The following KIAA1671 variants were observed in gnomAD, a reference collection of about 807,000 sequenced individuals.
KIAA1671 encodes the protein KIAA1671.
KIAA1671 carries 52 observed loss-of-function variants against 131.2 expected under a neutral mutation model. The observed-to-expected ratio is 0.40, with a 90% CI of 0.32 to 0.50. KIAA1671 has a LOEUF of 0.50. Ranked by LOEUF, KIAA1671 falls within the 20% of genes least tolerant of loss-of-function variation. KIAA1671 has a pLI of 0.73. For missense variants in KIAA1671, 2,360 were observed against 2,364.2 expected (o/e 1.00, Z 0.04); for synonymous variants, 1,003 against 961.6 (o/e 1.04, Z -0.80).
At chr22:25,128,495 A>G (rs993028507) in intron 6 of KIAA1671, among the ~76,000 whole-genome samples, 1 of 152,166 alleles carries the variant, frequency 6.6e-6, no homozygotes, top group Non-Finnish European at 1.5e-5. Context: ...TTCAACAGCA[A>G]CTTGTGTCCA....
rs56096749 is a variant in KIAA1671 at position 25,093,805 on chromosome 22, TC to T, written c.4530+44442del. On this transcript the variant is annotated intron_variant, in intron 6 of 12. Coordinates refer to ENST00000358431, the MANE Select transcript of KIAA1671 (RefSeq NM_001145206.2). ...CTCTCTCTCTCTCTCTCTCTCTCTCTCTCTCTGTCTCTCTCTCTTTCTCTCT... is the reference window on the plus strand; with the variant it reads ...CTCTCTCTCTCTCTCTCTCTCTCTCTTCTCTGTCTCTCTCTCTTTCTCTCT... 7.2e-5 allele frequency among the ~76,000 whole-genome samples: 10 copies of T among 139,430 alleles called. 1 individual carries two copies. Among genetic ancestry groups the T allele is most frequent in the African/African-American group, 2.4e-4 (9 of 37,548 alleles). 91.5% of individuals were successfully genotyped at this position (139,430 alleles called of 152,430 possible).
In KIAA1671 at chr22:24,987,315, C is replaced by T. The variant is rs184210709; in HGVS notation, c.-208+34543C>T. 3.5e-4 allele frequency among the ~76,000 whole-genome samples: 53 copies of T among 151,950 alleles called. 2 individuals carry two copies. Among genetic ancestry groups the T allele is most frequent in the Admixed American group, 2.9e-3 (44 of 15,250 alleles). ...CCTCTGGAGTAGCTGGGACTACAGG[C>T]GCCTGCCACCATGCCCGGCTAATTT... On this transcript the variant is annotated intron_variant, in intron 1 of 12. Coordinates refer to ENST00000358431, the MANE Select transcript of KIAA1671 (RefSeq NM_001145206.2).
intron 1 of KIAA1671, among the ~76,000 whole-genome samples, chr22:24,953,995 G>A (rs1921558523): frequency 6.6e-6 from 1 of 152,080 alleles, no homozygotes; most frequent in Admixed American, 6.5e-5. Flanking sequence ...CGGAATGAAG[G>A]GTATGAAACA....
At chr22:25,058,687 C>T (rs1257478302) in intron 6 of KIAA1671, 1 of 152,126 alleles carries the variant, frequency 6.6e-6, no homozygotes. Context: ...TATAATGAAC[C>T]ATCACAGAAC....
At chr22:25,104,340 T>C (rs550044519) in intron 6 of KIAA1671, among the ~76,000 whole-genome samples, 3 of 152,286 alleles carry the variant, frequency 2.0e-5, no homozygotes, top group Non-Finnish European at 4.4e-5. Context: ...AGTCCTGGAA[T>C]GTCCAATCTT....
At chr22:25,072,191 C>A (rs1928867997) in intron 6 of KIAA1671, among the ~76,000 whole-genome samples, 2 of 152,168 alleles carry the variant, frequency 1.3e-5, no homozygotes, top group African/African-American at 4.8e-5. Context: ...CTAAGCTCAT[C>A]CTGGCCAGTA....
At chr22:25,051,603 C>T (rs1927538287) in intron 6 of KIAA1671, 1 of 152,264 alleles carries the variant, frequency 6.6e-6, no homozygotes, top group Non-Finnish European at 1.5e-5. Context: ...CATCCTCCTC[C>T]TCCCCTTCCT....
intron 9 of KIAA1671, among the ~76,000 whole-genome samples, chr22:25,178,879 C>T (rs1248857040): frequency 6.6e-6 from 1 of 152,236 alleles, no homozygotes. Flanking sequence ...GGAGCCCCTT[C>T]CTCCTGGAAA....
intron 1 of KIAA1671, among the ~76,000 whole-genome samples, chr22:24,970,742 C>CAAA (rs1233623049): frequency 1.4e-5 from 2 of 145,748 alleles, no homozygotes; most frequent in East Asian, 2.1e-4. Flanking sequence ...AAAAAAAAAA[C>CAAA]AAAACAAAAC....
chr22:25,142,857 T>C (rs1391364712), intron 6 of KIAA1671, among the ~76,000 whole-genome samples: 1 of 152,080 alleles, frequency 6.6e-6, no homozygotes, highest in Non-Finnish European at 1.5e-5. Context: ...CAAGACTCCA[T>C]CTCAAAAAAA....
At chr22:25,125,964 C>A (rs1932164859) in intron 6 of KIAA1671, among the ~76,000 whole-genome samples, 1 of 152,214 alleles carries the variant, frequency 6.6e-6, no homozygotes. Context: ...AAGCGTTTTT[C>A]TTTTGCTACA....
At chr22:25,179,550 C>A in intron 9 of KIAA1671, 1 of 1,583,232 alleles carries the variant, frequency 6.3e-7, no homozygotes, top group Admixed American at 1.8e-5. Context: ...ACCTGCGCCT[C>A]CTGCGTTGGG....
Position 25,177,416 on chromosome 22 carries a change from G to A in KIAA1671, c.4968G>A (p.Arg1656=). The change falls in exon 9 of 13, where the codon CGG becomes CGA. Residue 1656 remains arginine (R), a synonymous_variant. Transcript: ENST00000358431. ...AGCTCAGCAAGAGAAGCCGCCGCCGGGCCCCCATCTCCCACTCCCTCCGGC... is the reference window on the plus strand; with the variant it reads ...AGCTCAGCAAGAGAAGCCGCCGCCGAGCCCCCATCTCCCACTCCCTCCGGC... ...RVQLSKRSRR[R]APISHSLRRS... is the part of the protein sequence containing the mutation. 1.3e-6 allele frequency: 2 copies of A among 1,551,758 alleles called. No individual in the cohort carries two copies. Among genetic ancestry groups the A allele is most frequent in the Non-Finnish European group, 1.7e-6 (2 of 1,147,016 alleles).
intron 2 of KIAA1671, among the ~76,000 whole-genome samples, chr22:25,026,766 A>G (rs1160731540): frequency 1.3e-5 from 2 of 150,372 alleles, no homozygotes; most frequent in African/African-American, 4.9e-5. Flanking sequence ...TGGGTGGTGG[A>G]CTTGAGGTTA....
At chr22:25,003,106 C>A (rs1924562209) in intron 1 of KIAA1671, among the ~76,000 whole-genome samples, 1 of 152,008 alleles carries the variant, frequency 6.6e-6, no homozygotes, top group Non-Finnish European at 1.5e-5. Context: ...TTTTTTCCCT[C>A]TTATTACAAA....
intron 1 of KIAA1671, among the ~76,000 whole-genome samples, chr22:24,990,851 C>T (rs1161165410): frequency 6.6e-6 from 1 of 151,972 alleles, no homozygotes; most frequent in Non-Finnish European, 1.5e-5. Context: ...AGACACTGAG[C>T]TAGGTCCTTC....
intron 6 of KIAA1671, among the ~76,000 whole-genome samples, chr22:25,164,113 A>C (rs1933556993): frequency 6.6e-6 from 1 of 152,198 alleles, no homozygotes; most frequent in South Asian, 2.1e-4. Context: ...CAGTCCAGGC[A>C]AGTGGTTTTT....
At chr22:25,151,787 G>A (rs115409318) in intron 6 of KIAA1671, among the ~76,000 whole-genome samples, 5 of 152,108 alleles carry the variant, frequency 3.3e-5, no homozygotes, top group African/African-American at 1.2e-4. Flanking sequence ...TGCCCGGGCA[G>A]GAGTGTGGTG....
Position 25,040,291 on chromosome 22 carries a change from A to G in KIAA1671, c.3161A>G (p.His1054Arg), listed in dbSNP as rs1926837668. Residue 1054 changes from histidine to arginine, a missense_variant, in exon 5 of 13, where the codon CAT becomes CGT. Transcript: ENST00000358431. ...TCAGGAGCTGAAAGCTTGCTGGAAC[A>G]TTCTAGAAAAATCACTCCACCCTCG... is the stretch of plus-strand genomic sequence containing the variant. ...VLSGAESLLE[H>R]SRKITPPSSP... is the part of the protein sequence containing the mutation. The G allele has an allele frequency of 6.4e-7, 1 of 1,551,620 alleles. No homozygotes were observed. Among genetic ancestry groups the G allele is most frequent in the Non-Finnish European group, 8.7e-7 (1 of 1,147,002 alleles).
Sources: allele counts gnomAD v4.1 joint callset (sites outside exome capture counted in the v4.1 genomes callset), GRCh38; gene constraint gnomAD v4.1.1; transcripts MANE v1.5; gene names NCBI Gene and HGNC (gene_info 2026-07-23, HGNC 2026-07-21).